LGSN: variants seen among roughly 807,000 people sequenced by gnomAD.
LGSN encodes lengsin.
Under a neutral mutation model 19.5 loss-of-function variants are expected in LGSN, and 21 were observed. The observed-to-expected ratio is 1.07, with a 90% CI of 0.76 to 1.55. The LOEUF (loss-of-function observed/expected upper bound fraction) is 1.55. Among genes scored for constraint, LGSN ranks in the 40% most tolerant of loss-of-function variants. The pLI, the probability that LGSN is intolerant of heterozygous loss-of-function variation, is 0.00. For synonymous variants in LGSN, 257 were observed against 215.6 expected (o/e 1.19, Z -1.68); for missense variants, 673 against 608.5 (o/e 1.11, Z -1.12).
the LGSN span, among the ~76,000 whole-genome samples, chr6:63,520,804 G>T: frequency 1.3e-5 from 2 of 151,878 alleles, no homozygotes; most frequent in African/African-American, 4.8e-5. Context: ...TTTTTGCCTT[G>T]TAAACAGGTG....
the LGSN span, among the ~76,000 whole-genome samples, chr6:63,451,357 T>C: frequency 1.1e-4 from 17 of 152,194 alleles, no homozygotes; most frequent in Non-Finnish European, 2.1e-4. Flanking sequence ...CCATCAAAGA[T>C]AGACTGGGTA....
chr6:63,429,999 TC>T, the LGSN span, among the ~76,000 whole-genome samples: 1 of 152,090 alleles, frequency 6.6e-6, no homozygotes, highest in Non-Finnish European at 1.5e-5. Context: ...AGCCAAAATT[TC>T]CCGGAAATGC....
the LGSN span, among the ~76,000 whole-genome samples, chr6:63,496,484 G>C: frequency 1.3e-5 from 2 of 152,186 alleles, no homozygotes; most frequent in African/African-American, 4.8e-5. Context: ...ATACACAAGG[G>C]AGTGGCAATA....
chr6:63,370,835 C>T, the LGSN span, among the ~76,000 whole-genome samples: 1 of 152,176 alleles, frequency 6.6e-6, no homozygotes, highest in Admixed American at 6.5e-5. Context: ...TTTTAAAATG[C>T]TATGGCTAGT....
chr6:63,559,505 G>A, the LGSN span, among the ~76,000 whole-genome samples: 4 of 152,148 alleles, frequency 2.6e-5, no homozygotes, highest in Non-Finnish European at 5.9e-5. Flanking sequence ...CCAGCACTTT[G>A]GGAGGCCGAG....
the LGSN span, among the ~76,000 whole-genome samples, chr6:63,381,916 G>GT: frequency 6.6e-6 from 1 of 152,086 alleles, no homozygotes; most frequent in Non-Finnish European, 1.5e-5. Flanking sequence ...GGATAATATT[G>GT]TTTTTTTAAT....
the LGSN span, among the ~76,000 whole-genome samples, chr6:63,557,616 GA>G: frequency 6.6e-6 from 1 of 152,072 alleles, no homozygotes; most frequent in Non-Finnish European, 1.5e-5. Flanking sequence ...AGTAGCAAGA[GA>G]AAATTCCAGG....
the LGSN span, among the ~76,000 whole-genome samples, chr6:63,434,760 A>G: frequency 3.3e-4 from 50 of 152,170 alleles, no homozygotes; most frequent in African/African-American, 1.2e-3. Context: ...GGTGCCTCCC[A>G]TTGGCCAAGC....
the LGSN span, among the ~76,000 whole-genome samples, chr6:63,402,698 T>C: frequency 6.6e-6 from 1 of 152,114 alleles, no homozygotes; most frequent in Non-Finnish European, 1.5e-5. Flanking sequence ...ATGGGTGATG[T>C]GATGATAAAT....
At chr6:63,290,300 T>C (rs1273703384) in intron 2 of LGSN, among the ~76,000 whole-genome samples, 2 of 152,198 alleles carry the variant, frequency 1.3e-5, no homozygotes, top group South Asian at 2.1e-4. Context: ...TAAGTCACAA[T>C]TGACAGTGCA....
chr6:63,494,532 G>T, the LGSN span, among the ~76,000 whole-genome samples: 2 of 152,162 alleles, frequency 1.3e-5, no homozygotes, highest in Admixed American at 6.5e-5. Flanking sequence ...ATATTTGAAG[G>T]TCTTTGAGAA....
chr6:63,469,527 A>G, the LGSN span, among the ~76,000 whole-genome samples: 1 of 152,346 alleles, frequency 6.6e-6, no homozygotes, highest in South Asian at 2.1e-4. Context: ...TTTTAAGAAG[A>G]TTGCCTATTG....
chr6:63,554,034 CT>C, the LGSN span, among the ~76,000 whole-genome samples: 1 of 152,048 alleles, frequency 6.6e-6, no homozygotes, highest in South Asian at 2.1e-4. Context: ...TAGACATTGA[CT>C]ATATCTGAGG....
the LGSN span, among the ~76,000 whole-genome samples, chr6:63,556,911 C>T: frequency 6.6e-6 from 1 of 152,196 alleles, no homozygotes. Context: ...TTCTTGATTT[C>T]ATCCTCTAAT....
the LGSN span, among the ~76,000 whole-genome samples, chr6:63,391,654 G>C: frequency 5.3e-5 from 8 of 152,180 alleles, no homozygotes; most frequent in South Asian, 2.1e-4. Context: ...AGGGAGATCT[G>C]CTTTACGGTT....
chr6:63,369,951 A>G, the LGSN span, among the ~76,000 whole-genome samples: 1 of 152,098 alleles, frequency 6.6e-6, no homozygotes, highest in South Asian at 2.1e-4. Context: ...GCAGTTAGCC[A>G]AGATCAGGCC....
At chr6:63,362,937 C>T in the LGSN span, among the ~76,000 whole-genome samples, 300 of 152,340 alleles carry the variant, frequency 2.0e-3, 3 homozygotes, top group Admixed American at 7.0e-3. Flanking sequence ...AACTGGGAGA[C>T]ACCTCCCAGT....
the LGSN span, among the ~76,000 whole-genome samples, chr6:63,476,423 A>C: frequency 1.3e-5 from 2 of 152,232 alleles, no homozygotes; most frequent in Admixed American, 1.3e-4. Context: ...AGGTGTTAGT[A>C]GTTCAGGAAG....
At chr6:63,570,830 C>A in the LGSN span, among the ~76,000 whole-genome samples, 1 of 152,118 alleles carries the variant, frequency 6.6e-6, no homozygotes, top group Non-Finnish European at 1.5e-5. Context: ...AATATTTCCC[C>A]CAGTGTGAAA....
Sources: gnomAD v4.1 joint callset for allele counts (sites outside exome capture counted in the v4.1 genomes callset) on GRCh38, gnomAD v4.1.1 for gene constraint, MANE v1.5 for transcripts, NCBI Gene and HGNC (gene_info 2026-07-23, HGNC 2026-07-21) for gene names.